FUBP3: variants seen among roughly 807,000 people sequenced by gnomAD.
The protein encoded by FUBP3 is far upstream element binding protein 3.
In FUBP3, 28 loss-of-function variants were observed where a neutral mutation model predicts 85.6. The ratio of observed to expected loss-of-function variants is 0.33; its 90% CI spans 0.24 to 0.45. The LOEUF (loss-of-function observed/expected upper bound fraction) is 0.45. Among genes scored for constraint, FUBP3 ranks in the 20% least tolerant of loss-of-function variants. The pLI, the probability that FUBP3 is intolerant of heterozygous loss-of-function variation, is 1.00. For synonymous variants in FUBP3, 271 were observed against 271.4 expected, an observed-to-expected ratio of 1.00 and a Z score of 0.01; for missense variants, 583 against 755.1, an observed-to-expected ratio of 0.77 and a Z score of 2.67.
chr9:130,588,582 A>C (rs1691112862), intron 1 of FUBP3, among the ~76,000 whole-genome samples: 1 of 152,202 alleles, frequency 6.6e-6, no homozygotes, highest in African/African-American at 2.4e-5. Flanking sequence ...CATTGTTTCT[A>C]GTGCTTTACA....
chr9:130,579,879 G>A (rs1830057111), intron 1 of FUBP3, 115 bp downstream of exon 1: 3 of 607,102 alleles, frequency 4.9e-6, no homozygotes, highest in Non-Finnish European at 4.8e-6. Context: ...GTCTCAGCCG[G>A]GCCGGGCCGT....
Position 130,579,636 on chromosome 9 carries a change from G to GAC in FUBP3, c.-45_-44insAC. The GAC allele has an allele frequency of 1.8e-6, 2 of 1,121,514 alleles. No individual in the cohort carries two copies. The highest frequency in any genetic ancestry group is 2.3e-6 in the Non-Finnish European group (2 of 886,558). The allele number at this position is 1,121,514 out of a possible 1,614,324, so 69.5% of individuals were successfully genotyped here. A position where few individuals can be genotyped will look rare whatever the true frequency, so the allele number is the denominator to read the frequency against. On this transcript the variant is annotated 5_prime_UTR_variant, in exon 1 of 19. Transcript: ENST00000319725. ...GGCCGGACCGGGGAGCCGAGCGGCG[G>GAC]CGTCGGCGGCGTCGGCGGCGGCGGC...
chr9:130,634,752 C>T lies in FUBP3; in HGVS notation c.1582+14C>T, dbSNP rs1429208893. ...ACAAAAAACAGAGTGAGTGCCCGGC[C>T]CTCCTAACCTGTGGCAGCACAGTCC... is the stretch of plus-strand genomic sequence containing the variant. On this transcript the variant is annotated intron_variant, in intron 17 of 18. Coordinates refer to ENST00000319725, the MANE Select transcript of FUBP3 (RefSeq NM_003934.2). 1 of 1,603,018 alleles carries T rather than the reference C, an allele frequency of 6.2e-7. No individual in the cohort carries two copies. Among genetic ancestry groups the T allele is most frequent in the East Asian group, 2.2e-5 (1 of 44,758 alleles).
chr9:130,619,345 C>T (rs1177020942), intron 8 of FUBP3, among the ~76,000 whole-genome samples: 1 of 144,964 alleles, frequency 6.9e-6, no homozygotes, highest in Non-Finnish European at 1.5e-5. Context: ...GCCTGCTGTA[C>T]TTAGGGCACC....
intron 2 of FUBP3, among the ~76,000 whole-genome samples, chr9:130,602,547 G>A (rs1208696222): frequency 6.6e-6 from 1 of 152,136 alleles, no homozygotes; most frequent in Admixed American, 6.5e-5. Flanking sequence ...TGCACCCCAG[G>A]CAGGTGCTGA....
chr9:130,614,566 T>C lies in FUBP3; in HGVS notation c.404+221T>C, dbSNP rs147057068. Among the ~76,000 whole-genome samples, 1,341 of 152,300 alleles carry C rather than the reference T, an allele frequency of 8.8e-3. 9 individuals are homozygous for C. The highest frequency in any genetic ancestry group is 0.068 in the Middle Eastern group (20 of 294). Reference sequence around the variant, plus strand: ...ACATTTGTTCTAAACCCCACAGCTGTCATAACATCTACTTCAAACCAGGGT... The same window carrying C: ...ACATTTGTTCTAAACCCCACAGCTGCCATAACATCTACTTCAAACCAGGGT... On this transcript the variant is annotated intron_variant, in intron 6 of 18. Coordinates refer to ENST00000319725, the MANE Select transcript of FUBP3 (RefSeq NM_003934.2).
At chr9:130,628,831 G>A (rs868516434) in intron 12 of FUBP3, among the ~76,000 whole-genome samples, 6 of 152,098 alleles carry the variant, frequency 3.9e-5, no homozygotes, top group South Asian at 2.1e-4. Context: ...GTGCAGTGGC[G>A]TGATCATGGC....
At chr9:130,597,741 A>G (rs1005856399) in intron 2 of FUBP3, among the ~76,000 whole-genome samples, 1 of 152,230 alleles carries the variant, frequency 6.6e-6, no homozygotes, top group Non-Finnish European at 1.5e-5. Context: ...AGAAAAAAAC[A>G]ATATGTGTAA....
intron 2 of FUBP3, among the ~76,000 whole-genome samples, chr9:130,596,472 A>C (rs1005523761): frequency 1.3e-5 from 2 of 152,090 alleles, no homozygotes; most frequent in African/African-American, 4.8e-5. Context: ...AGAAAAATAT[A>C]ATTTGCCATG....
At chr9:130,595,763 A>G (rs983872779) in intron 2 of FUBP3, among the ~76,000 whole-genome samples, 175 bp downstream of exon 2, 18 of 152,162 alleles carry the variant, frequency 1.2e-4, no homozygotes, top group African/African-American at 3.1e-4. Flanking sequence ...TTGAGTTCCT[A>G]TTTGCCTTGA....
intron 1 of FUBP3, among the ~76,000 whole-genome samples, chr9:130,586,143 C>T (rs1330890552): frequency 6.6e-6 from 1 of 152,114 alleles, no homozygotes; most frequent in East Asian, 1.9e-4. Flanking sequence ...GCATGCACCG[C>T]CACTCCCAGC....
At chr9:130,619,423 T>C (rs761028564) in intron 8 of FUBP3, among the ~76,000 whole-genome samples, 25 of 152,090 alleles carry the variant, frequency 1.6e-4, no homozygotes, top group Non-Finnish European at 3.5e-4. Flanking sequence ...TTCTTTACCA[T>C]TGAAGTGGCA....
chr9:130,636,076 C>T lies in FUBP3; in HGVS notation c.1660C>T (p.Gln554Ter). The change falls in exon 18 of 19, where the codon CAG becomes TAG. Residue 554 changes from glutamine to a stop codon, truncating the protein, a stop_gained. Coordinates refer to ENST00000319725, the MANE Select transcript of FUBP3 (RefSeq NM_003934.2). LOFTEE classifies it high-confidence loss of function. Reference sequence around the variant, plus strand: ...GGCCTGGGCAGAATATTACAGACAGCAGGTCGCTTTCTACGGACAGACGTT... The same window carrying T: ...GGCCTGGGCAGAATATTACAGACAGTAGGTCGCTTTCTACGGACAGACGTT... ...TMAWAEYYRQ[Q>*]VAFYGQTLGQ... 1 of 1,613,822 alleles carries T rather than the reference C, an allele frequency of 6.2e-7. No individual in the cohort carries two copies. The highest frequency in any genetic ancestry group is 8.5e-7 in the Non-Finnish European group (1 of 1,179,858).
At position 130,620,443 on chromosome 9, in the gene FUBP3, A is replaced by T; in HGVS notation, c.756A>T (p.Gly252=). The change falls in exon 9 of 19, where the codon GGA becomes GGT. Residue 252 remains glycine (G), a synonymous_variant. Coordinates refer to ENST00000319725, the MANE Select transcript of FUBP3 (RefSeq NM_003934.2). ...GCGGCGATTTCAACTCTCGAATGGG[A>T]GGAGGCAGTATAGAGGTATGCTTAA... is the stretch of plus-strand genomic sequence containing the variant. ...GVRGDFNSRM[G]GGSIEVSVPR... The T allele has an allele frequency of 6.3e-7, 1 of 1,583,684 alleles. No homozygotes were observed. Among genetic ancestry groups the T allele is most frequent in the Non-Finnish European group, 8.7e-7 (1 of 1,155,728 alleles).
Position 130,637,160 on chromosome 9 carries a change from G to A in FUBP3, c.*138G>A. On this transcript the variant is annotated 3_prime_UTR_variant, in exon 19 of 19. Coordinates refer to ENST00000319725, the MANE Select transcript of FUBP3 (RefSeq NM_003934.2). ...TGTGAAACACTATATTTAGATTAAC[G>A]GAATTTTTCTAAAAATCAGGAAAAT... The A allele has an allele frequency of 8.7e-6, 6 of 690,832 alleles. No individual in the cohort carries two copies. The highest frequency in any genetic ancestry group is 1.7e-5 in the South Asian group (1 of 57,990). The allele number at this position is 690,832 out of a possible 1,614,324, so 42.8% of individuals were successfully genotyped here. A position where few individuals can be genotyped will look rare whatever the true frequency, so the allele number is the denominator to read the frequency against.
chr9:130,588,929 T>C (rs1001201588), intron 1 of FUBP3, among the ~76,000 whole-genome samples: 4 of 152,334 alleles, frequency 2.6e-5, no homozygotes, highest in African/African-American at 9.6e-5. Context: ...GCAGGACCTC[T>C]CTGGGTGGCT....
chr9:130,587,618 C>A (rs776170560), intron 1 of FUBP3, among the ~76,000 whole-genome samples: 11 of 152,170 alleles, frequency 7.2e-5, no homozygotes, highest in Admixed American at 2.0e-4. Context: ...TAGGAAAGTT[C>A]TTTAACTTTT....
rs776398890 is a variant in FUBP3 at position 130,622,814 on chromosome 9, G to A, written c.874+4G>A. ...GTGAGGATTCAGTTTAAACCAGGTG[G>A]GTATGATGATTTAAAAATCCTTAGT... On this transcript the variant is annotated splice_donor_region_variant and intron_variant, in intron 10 of 18. Coordinates refer to ENST00000319725, the MANE Select transcript of FUBP3 (RefSeq NM_003934.2). 31 of 1,407,628 alleles carry A rather than the reference G, an allele frequency of 2.2e-5. No homozygotes were observed. The South Asian group carries it at 3.8e-4, about 17-fold the overall frequency. 87.2% of individuals were successfully genotyped at this position (1,407,628 alleles called of 1,614,324 possible). A position where few individuals can be genotyped will look rare whatever the true frequency, so the allele number is the denominator to read the frequency against.
intron 1 of FUBP3, 98 bp from the exon 2 acceptor site, chr9:130,595,385 G>A: frequency 6.8e-6 from 5 of 739,370 alleles, no homozygotes; most frequent in Non-Finnish European, 1.3e-5. Context: ...GGTCAGGGGA[G>A]AAATGGGATA....
Sources: allele counts gnomAD v4.1 joint callset (sites outside exome capture counted in the v4.1 genomes callset), GRCh38; gene constraint gnomAD v4.1.1; transcripts MANE v1.5; gene names NCBI Gene and HGNC (gene_info 2026-07-23, HGNC 2026-07-21).